The following LEMD3 variants were observed in gnomAD, a reference collection of about 807,000 sequenced individuals.
LEMD3 encodes LEM domain containing 3, also known as inner nuclear membrane protein Man1.
A neutral mutation model predicts 95.2 loss-of-function variants in LEMD3; 33 were observed. That is an observed-to-expected ratio of 0.35 (90% CI 0.26 to 0.46). LEMD3 has a LOEUF of 0.46. Ranked by LOEUF, LEMD3 falls within the 20% of genes least tolerant of loss-of-function variation. LEMD3 has a pLI of 1.00. For synonymous variants in LEMD3, 525 were observed against 474.6 expected, an observed-to-expected ratio of 1.11 and a Z score of -1.38; for missense variants, 1,210 against 1,192.8, an observed-to-expected ratio of 1.01 and a Z score of -0.21.
chr12:65,183,720 G>C (rs894455029), intron 1 of LEMD3, among the ~76,000 whole-genome samples: 6 of 152,160 alleles, frequency 3.9e-5, no homozygotes, highest in Non-Finnish European at 8.8e-5. Flanking sequence ...TGGGCAGGTA[G>C]GTGGGTGAGG....
intron 4 of LEMD3, among the ~76,000 whole-genome samples, chr12:65,222,377 G>A (rs1251072128): frequency 6.6e-6 from 1 of 152,030 alleles, no homozygotes; most frequent in Non-Finnish European, 1.5e-5. Context: ...GTATCTCAGG[G>A]ATTTTAGTCT....
At chr12:65,199,412 A>C (rs889487793) in intron 1 of LEMD3, among the ~76,000 whole-genome samples, 7 of 152,144 alleles carry the variant, frequency 4.6e-5, no homozygotes, top group African/African-American at 1.7e-4. Flanking sequence ...CCAACTCAAT[A>C]GGTTAAGCAT....
At chr12:65,218,488 A>G (rs1870176985) in intron 3 of LEMD3, 64 bp from the exon 4 acceptor site, 1 of 915,912 alleles carries the variant, frequency 1.1e-6, no homozygotes, top group Non-Finnish European at 1.7e-6. Context: ...TGAATTAATT[A>G]TGTTTGTTTT....
At chr12:65,171,991 C>T (rs1338821628) in intron 1 of LEMD3, 2 of 152,004 alleles carry the variant, frequency 1.3e-5, no homozygotes, top group Admixed American at 6.5e-5. Flanking sequence ...TTAGATTGAA[C>T]GGAGGAGGTA....
rs12302249 is a variant in LEMD3, at chr12:65,246,980, C to T, written c.*655C>T. 0.037 allele frequency: 5,700 copies of T among 153,872 alleles called. 350 individuals carry two copies. The highest frequency in any genetic ancestry group is 0.13 in the African/African-American group (5,464 of 41,412). 9.5% of individuals were successfully genotyped at this position (153,872 alleles called of 1,614,324 possible). A position where few individuals can be genotyped will look rare whatever the true frequency, so the allele number is the denominator to read the frequency against. Reference sequence around the variant, plus strand: ...CATTAAAGCAGTAAAATAAGCTTTCCATTTTATTCATAATCTAATGTGTGT... The same window carrying T: ...CATTAAAGCAGTAAAATAAGCTTTCTATTTTATTCATAATCTAATGTGTGT... On this transcript the variant is annotated 3_prime_UTR_variant, in exon 13 of 13. Coordinates refer to ENST00000308330, the MANE Select transcript of LEMD3 (RefSeq NM_014319.5).
intron 4 of LEMD3, among the ~76,000 whole-genome samples, chr12:65,235,813 C>T (rs890018222): frequency 2.1e-4 from 32 of 151,988 alleles, no homozygotes; most frequent in African/African-American, 7.0e-4. Flanking sequence ...GTTTAGCTCT[C>T]ATCATGATTA....
rs556622225 is a variant in LEMD3 at position 65,179,772 on chromosome 12, A to G, written c.1522+8654A>G. 6.3e-4 allele frequency among the ~76,000 whole-genome samples: 96 copies of G among 152,278 alleles called. 1 individual carries two copies. Among genetic ancestry groups the G allele is most frequent in the Middle Eastern group, 3.4e-3 (1 of 294 alleles). ...CACATGTATCCCAGAACTTAAAATA[A>G]CATTTTAAAAAAGATGTATTTTAAT... On this transcript the variant is annotated intron_variant, in intron 1 of 12. Transcript: ENST00000308330.
intron 4 of LEMD3, among the ~76,000 whole-genome samples, chr12:65,230,323 T>G (rs140779708): frequency 6.6e-6 from 1 of 152,204 alleles, no homozygotes; most frequent in East Asian, 1.9e-4. Context: ...CTTCTACTTA[T>G]GTGAAGAATG....
intron 4 of LEMD3, among the ~76,000 whole-genome samples, chr12:65,220,391 T>C (rs1870247394): frequency 6.6e-6 from 1 of 152,218 alleles, no homozygotes; most frequent in Non-Finnish European, 1.5e-5. Context: ...GCTATTCAAG[T>C]TCTTTGCTGA....
In LEMD3 at chr12:65,210,943, G is replaced by A; in HGVS notation, c.1540G>A (p.Glu514Lys). The A allele has an allele frequency of 6.3e-7, 1 of 1,593,586 alleles. No homozygotes were observed. Among genetic ancestry groups the A allele is most frequent in the Non-Finnish European group, 8.6e-7 (1 of 1,161,570 alleles). Residue 514 changes from glutamate (E) to lysine (K), a missense_variant, in exon 2 of 13, where the codon GAA (glutamate) becomes AAA (lysine). Physicochemically the swap from Glu to Lys is moderately conservative, Grantham distance 56. Transcript: ENST00000308330. Reference protein sequence around the residue: ...GELSIENPFGETFGKIQESEK... With the variant: ...GELSIENPFGKTFGKIQESEK... ...CTTGATAGTAGAAAACCCCTTTGGT[G>A]AAACATTTGGAAAAATACAAGTAAG...
chr12:65,182,881 G>A (rs958923347), intron 1 of LEMD3, among the ~76,000 whole-genome samples: 24 of 152,242 alleles, frequency 1.6e-4, no homozygotes, highest in African/African-American at 4.3e-4. Context: ...GTCACATGCC[G>A]TTCTTCAGCT....
At chr12:65,217,188 T>C (rs1309675526) in intron 3 of LEMD3, among the ~76,000 whole-genome samples, 1 of 152,162 alleles carries the variant, frequency 6.6e-6, no homozygotes, top group East Asian at 1.9e-4. Context: ...AGATAGTGGA[T>C]ATTTTAGGCT....
Position 65,248,045 on chromosome 12 carries a change from A to T in LEMD3, c.*1720A>T, listed in dbSNP as rs1219423561. 1 of 152,518 alleles carries T rather than the reference A, an allele frequency of 6.6e-6. No homozygotes were observed. The highest frequency in any genetic ancestry group is 1.5e-5 in the Non-Finnish European group (1 of 67,996). The allele number at this position is 152,518 out of a possible 1,614,324, so 9.4% of individuals were successfully genotyped here. ...TAACCTGTTGCAAGAGTGAATGTAA[A>T]AAATAGTTGTGGCATTTTAAAAGGT... On this transcript the variant is annotated 3_prime_UTR_variant, in exon 13 of 13. Transcript: ENST00000308330.
chr12:65,192,085 T>C lies in LEMD3; in HGVS notation c.1523-18841T>C, dbSNP rs1175467782. On this transcript the variant is annotated intron_variant, in intron 1 of 12. Transcript: ENST00000308330. ...CAGAGTGGTAATTTAGAGACAAATA[T>C]AGAAAGTTACACAGTTGCTTAAAAA... is the stretch of plus-strand genomic sequence containing the variant. Among the ~76,000 whole-genome samples, 9 of 150,914 alleles carry C rather than the reference T, an allele frequency of 6.0e-5. No homozygotes were observed. In the East Asian group the frequency reaches 1.8e-3, roughly 29 times the overall value.
At position 65,242,782 on chromosome 12, in the gene LEMD3, A is replaced by G. The variant is rs187020261; in HGVS notation, c.2306-606A>G. Among the ~76,000 whole-genome samples the G allele has an allele frequency of 3.4e-3, 517 of 152,328 alleles. 2 individuals carry two copies. Among genetic ancestry groups the G allele is most frequent in the South Asian group, 0.02 (95 of 4,826 alleles). On this transcript the variant is annotated intron_variant, in intron 9 of 12. Coordinates refer to ENST00000308330, the MANE Select transcript of LEMD3 (RefSeq NM_014319.5). ...CTTCTGCTTTTACCTGAGTCTCCAC[A>G]TAACAATGTATTTTTAAAATATGTA...
intron 1 of LEMD3, among the ~76,000 whole-genome samples, chr12:65,207,831 T>C (rs1326787111): frequency 6.7e-6 from 1 of 150,224 alleles, no homozygotes; most frequent in African/African-American, 2.5e-5. Context: ...TTTGCAAGTT[T>C]TTCCTTTTTA....
At chr12:65,193,732 C>CTGTGTGTGTGTGTG (rs746675293) in intron 1 of LEMD3, among the ~76,000 whole-genome samples, 2,748 of 129,384 alleles carry the variant, frequency 0.021, 82 homozygotes, top group East Asian at 0.038. Context: ...ACATAACTGG[C>CTGTGTGTGTGTGTG]TGTGTGTGTG....
At chr12:65,178,229 A>G (rs1204843973) in intron 1 of LEMD3, among the ~76,000 whole-genome samples, 1 of 151,932 alleles carries the variant, frequency 6.6e-6, no homozygotes. Flanking sequence ...AAAAAAAAAA[A>G]TCCTAGATCT....
At chr12:65,196,794 G>T (rs1300962457) in intron 1 of LEMD3, among the ~76,000 whole-genome samples, 2 of 152,096 alleles carry the variant, frequency 1.3e-5, no homozygotes, top group African/African-American at 4.8e-5. Flanking sequence ...GGGGCTCAGT[G>T]GGGGCACTTA....
Sources: allele counts gnomAD v4.1 joint callset (sites outside exome capture counted in the v4.1 genomes callset), GRCh38; gene constraint gnomAD v4.1.1; transcripts MANE v1.5; gene names NCBI Gene and HGNC (gene_info 2026-07-23, HGNC 2026-07-21).